ADGRG6: variants seen among roughly 807,000 people sequenced by gnomAD.
The protein encoded by ADGRG6 is G-protein coupled receptor 126.
ADGRG6 carries 84 observed loss-of-function variants against 142.4 expected under a neutral mutation model. The observed-to-expected ratio is 0.59, with a 90% confidence interval of 0.49 to 0.71. ADGRG6 has a LOEUF of 0.71. Ranked by LOEUF, ADGRG6 falls within the 30% of genes least tolerant of loss-of-function variation. The pLI, the probability that ADGRG6 is intolerant of heterozygous loss-of-function variation, is 0.00. For missense variants in ADGRG6, 1,367 were observed against 1,466.6 expected (o/e 0.93, Z 1.11); for synonymous variants, 521 against 520.5 (o/e 1.00, Z -0.01).
At chr6:142,335,413 A>G (rs1177668063) in intron 2 of ADGRG6, among the ~76,000 whole-genome samples, 2 of 152,210 alleles carry the variant, frequency 1.3e-5, no homozygotes, top group African/African-American at 4.8e-5. Flanking sequence ...ATAGAGAATG[A>G]AAATGGAGAA....
At chr6:142,378,449 G>A (rs892853034) in intron 4 of ADGRG6, among the ~76,000 whole-genome samples, 4 of 152,072 alleles carry the variant, frequency 2.6e-5, no homozygotes, top group Non-Finnish European at 4.4e-5. Context: ...TTTAGTTTGC[G>A]GAAGTCCCTT....
chr6:142,370,813 C>CTTTT lies in ADGRG6; in HGVS notation c.1069+34_1069+37dup. ...GCTGTGGTGAGTTTGTAGCGTATTCCTTTTTTTTTTTTTTTTTAGCATTAT... is the reference window on the plus strand; with the variant it reads ...GCTGTGGTGAGTTTGTAGCGTATTCCTTTTTTTTTTTTTTTTTTTTTAGCATTAT... On this transcript the variant is annotated intron_variant, in intron 4 of 24. Coordinates refer to ENST00000367609, the MANE Select transcript of ADGRG6 (RefSeq NM_198569.3). 6.2e-6 allele frequency: 9 copies of CTTTT among 1,458,812 alleles called. No homozygotes were observed. The highest frequency in any genetic ancestry group is 2.4e-5 in the East Asian group (1 of 41,548). 90.4% of individuals were successfully genotyped at this position (1,458,812 alleles called of 1,614,324 possible). A position where few individuals can be genotyped will look rare whatever the true frequency, so the allele number is the denominator to read the frequency against.
intron 2 of ADGRG6, among the ~76,000 whole-genome samples, chr6:142,327,330 G>A (rs954967897): frequency 6.6e-6 from 1 of 151,818 alleles, no homozygotes; most frequent in African/African-American, 2.4e-5. Context: ...AACTTTCTGT[G>A]TAAACTGGAA....
At chr6:142,357,318 A>G (rs552358112) in intron 2 of ADGRG6, among the ~76,000 whole-genome samples, 1 of 152,282 alleles carries the variant, frequency 6.6e-6, no homozygotes, top group Admixed American at 6.5e-5. Flanking sequence ...ACATTTTATA[A>G]ATACTTTGAA....
At chr6:142,314,842 G>A (rs529396542) in intron 2 of ADGRG6, among the ~76,000 whole-genome samples, 2 of 152,174 alleles carry the variant, frequency 1.3e-5, no homozygotes, top group Admixed American at 1.3e-4. Flanking sequence ...GTAATTAATT[G>A]TCCAAAGATA....
chr6:142,364,963 C>T (rs1780879457), intron 2 of ADGRG6, among the ~76,000 whole-genome samples: 1 of 152,168 alleles, frequency 6.6e-6, no homozygotes, highest in Non-Finnish European at 1.5e-5. Context: ...AAGTCATGCA[C>T]ATAACTTGGG....
At chr6:142,404,284 C>T (rs1775685873) in intron 14 of ADGRG6, 2 of 292,856 alleles carry the variant, frequency 6.8e-6, no homozygotes, top group Non-Finnish European at 1.3e-5. Flanking sequence ...CTTTAAGGGC[C>T]CCAAGGTGAA....
In ADGRG6 at chr6:142,445,060, C is replaced by T. The variant is rs1401559143; in HGVS notation, c.*1545C>T. On this transcript the variant is annotated 3_prime_UTR_variant, in exon 25 of 25. Coordinates refer to ENST00000367609, the MANE Select transcript of ADGRG6 (RefSeq NM_198569.3). The stretch of plus-strand genomic sequence containing the variant: ...GAGAGCTTTTAGGCTACACAGCAAC[C>T]CAAGGGACCTCTCACCTTTTGCTGA... 6.6e-6 allele frequency: 1 copy of T among 152,066 alleles called. No individual in the cohort carries two copies. The highest frequency in any genetic ancestry group is 1.5e-5 in the Non-Finnish European group (1 of 68,024). The allele number at this position is 152,066 out of a possible 1,614,324, so 9.4% of individuals were successfully genotyped here. A position where few individuals can be genotyped will look rare whatever the true frequency, so the allele number is the denominator to read the frequency against.
chr6:142,369,686 A>C (rs1427257804), intron 3 of ADGRG6, among the ~76,000 whole-genome samples: 1 of 152,214 alleles, frequency 6.6e-6, no homozygotes, highest in Non-Finnish European at 1.5e-5. Flanking sequence ...GAGTAACTGA[A>C]AGGGAGATGG....
intron 4 of ADGRG6, among the ~76,000 whole-genome samples, chr6:142,372,460 G>A (rs1461902956): frequency 6.6e-6 from 1 of 152,170 alleles, no homozygotes. Flanking sequence ...TCAGACCCAT[G>A]CCTGCCCTTC....
chr6:142,430,156 A>G (rs981228836), intron 22 of ADGRG6, among the ~76,000 whole-genome samples: 1 of 152,212 alleles, frequency 6.6e-6, no homozygotes, highest in Admixed American at 6.5e-5. Context: ...GCCATCTCAC[A>G]TCCCTGAAGT....
intron 1 of ADGRG6, among the ~76,000 whole-genome samples, chr6:142,303,226 G>A (rs569351773): frequency 6.6e-6 from 1 of 151,998 alleles, no homozygotes; most frequent in African/African-American, 2.4e-5. Flanking sequence ...ACTAACTCAT[G>A]TACAACAATT....
chr6:142,316,147 C>G (rs1237665053), intron 2 of ADGRG6, among the ~76,000 whole-genome samples: 2 of 152,038 alleles, frequency 1.3e-5, no homozygotes, highest in Non-Finnish European at 2.9e-5. Context: ...AAACTAACTT[C>G]ATCTTAAACT....
chr6:142,338,290 G>A (rs888181986), intron 2 of ADGRG6, among the ~76,000 whole-genome samples: 99 of 151,450 alleles, frequency 6.5e-4, no homozygotes, highest in African/African-American at 2.2e-3. Context: ...TTACAGGCAT[G>A]AGCCACCGCG....
intron 15 of ADGRG6, 98 bp downstream of exon 15, chr6:142,405,926 G>T: frequency 1.2e-6 from 1 of 836,568 alleles, no homozygotes; most frequent in Non-Finnish European, 1.7e-6. Context: ...ATATCAGAAG[G>T]TTTAGAAAAA....
At chr6:142,429,894 T>C (rs1562390266) in intron 22 of ADGRG6, among the ~76,000 whole-genome samples, 1 of 151,814 alleles carries the variant, frequency 6.6e-6, no homozygotes, top group Non-Finnish European at 1.5e-5. Context: ...TTTACAAAAA[T>C]AAAAATAGAA....
intron 2 of ADGRG6, among the ~76,000 whole-genome samples, chr6:142,340,010 A>G (rs2114713393): frequency 6.6e-6 from 1 of 152,280 alleles, no homozygotes; most frequent in South Asian, 2.1e-4. Context: ...AGATGCAGAA[A>G]TTAGATAGGG....
intron 2 of ADGRG6, among the ~76,000 whole-genome samples, chr6:142,326,448 G>A (rs1778782974): frequency 6.6e-6 from 1 of 151,320 alleles, no homozygotes. Context: ...AAGATAATTG[G>A]CATATCTTGC....
chr6:142,404,718 G>A (rs1775710208), intron 14 of ADGRG6, among the ~76,000 whole-genome samples: 1 of 152,112 alleles, frequency 6.6e-6, no homozygotes, highest in Admixed American at 6.5e-5. Context: ...ACCTACTCCA[G>A]GAGTTTCTGA....
Sources: gnomAD v4.1 joint callset for allele counts (sites outside exome capture counted in the v4.1 genomes callset) on GRCh38, gnomAD v4.1.1 for gene constraint, MANE v1.5 for transcripts, NCBI Gene and HGNC (gene_info 2026-07-23, HGNC 2026-07-21) for gene names.